Variants in SYT2 observed in about 807,000 individuals in gnomAD.
The protein encoded by SYT2 is synaptotagmin 2, also known as synaptotagmin-2.
SYT2 carries 15 observed loss-of-function variants against 39.9 expected under a neutral mutation model. The observed-to-expected ratio is 0.38, with a 90% CI of 0.25 to 0.58. The LOEUF (loss-of-function observed/expected upper bound fraction) is 0.58, where lower values mean the gene tolerates loss of function less well. Ranked by LOEUF, SYT2 falls within the 20% of genes least tolerant of loss-of-function variation. The pLI, the probability that SYT2 is intolerant of heterozygous loss-of-function variation, is 0.70. For missense variants in SYT2, 389 were observed against 530.3 expected (o/e 0.73, Z 2.62); for synonymous variants, 181 against 204.5 (o/e 0.89, Z 0.98).
At chr1:202,626,034 CATT>C (rs893944079) in intron 1 of SYT2, among the ~76,000 whole-genome samples, 17 of 152,174 alleles carry the variant, frequency 1.1e-4, no homozygotes, top group African/African-American at 3.9e-4. Context: ...CATATGCAAA[CATT>C]GTGTGCAGGT....
At chr1:202,605,525 A>C in intron 2 of SYT2, 70 bp downstream of exon 2, 489 of 1,333,838 alleles carry the variant, frequency 3.7e-4, no homozygotes, top group Non-Finnish European at 4.8e-4. Context: ...TCCCAGTGGT[A>C]TCCCCACCCT....
At chr1:202,641,304 T>C (rs1208872288) in intron 1 of SYT2, among the ~76,000 whole-genome samples, 3 of 152,118 alleles carry the variant, frequency 2.0e-5, no homozygotes, top group Non-Finnish European at 4.4e-5. Context: ...GACCACCTGC[T>C]CCCATCACCC....
In SYT2 at chr1:202,628,653, G is replaced by A. The variant is rs1691486235; in HGVS notation, c.-17-22864C>T. Among the ~76,000 whole-genome samples the A allele has an allele frequency of 6.6e-6, 1 of 152,204 alleles. No homozygotes were observed. The highest frequency in any genetic ancestry group is 2.1e-4 in the South Asian group (1 of 4,834). ...GGGCCGGGACAGACATGGGAGATAGGGGCCAGGAGGGATGAACCATGGCCT... is the reference window on the plus strand; with the variant it reads ...GGGCCGGGACAGACATGGGAGATAGAGGCCAGGAGGGATGAACCATGGCCT... On this transcript the variant is annotated intron_variant, in intron 1 of 8. Coordinates refer to ENST00000367268, the MANE Select transcript of SYT2 (RefSeq NM_177402.5). This position sits in a 1 kb window ranked among gnomAD's most constrained non-coding sequence, Gnocchi z 4.2.
At chr1:202,688,352 G>C (rs537019338) in intron 1 of SYT2, among the ~76,000 whole-genome samples, 2 of 152,316 alleles carry the variant, frequency 1.3e-5, no homozygotes, top group East Asian at 1.9e-4. Flanking sequence ...TGGCCCTGTC[G>C]TTATGCTCTG....
chr1:202,658,627 C>G (rs539337648), intron 1 of SYT2, among the ~76,000 whole-genome samples: 3 of 151,652 alleles, frequency 2.0e-5, no homozygotes, highest in Non-Finnish European at 2.9e-5. Context: ...GAGCAGCCTG[C>G]ACCAATCTCA....
chr1:202,708,374 C>T (rs1010392824), intron 1 of SYT2, among the ~76,000 whole-genome samples: 2 of 151,990 alleles, frequency 1.3e-5, no homozygotes, highest in Non-Finnish European at 2.9e-5. Flanking sequence ...TAGAAACTTT[C>T]CTCTGCCTCC....
At chr1:202,684,276 G>C (rs1488561580) in intron 1 of SYT2, among the ~76,000 whole-genome samples, 2 of 151,746 alleles carry the variant, frequency 1.3e-5, no homozygotes, top group African/African-American at 4.8e-5. Flanking sequence ...ATGACTGCAA[G>C]TTGTACCTTT....
intron 1 of SYT2, among the ~76,000 whole-genome samples, chr1:202,663,183 C>T (rs138815851): frequency 6.7e-4 from 102 of 152,342 alleles, no homozygotes; most frequent in Admixed American, 8.5e-4. Flanking sequence ...TCAAGCCAGC[C>T]ACCCTTTGCC....
At chr1:202,661,285 G>A (rs1692374264) in intron 1 of SYT2, among the ~76,000 whole-genome samples, 1 of 151,906 alleles carries the variant, frequency 6.6e-6, no homozygotes, top group Non-Finnish European at 1.5e-5. Context: ...CTAGAGGGCA[G>A]GGTCCAGCCA....
intron 1 of SYT2, among the ~76,000 whole-genome samples, chr1:202,637,330 C>A (rs1335160371): frequency 2.0e-5 from 3 of 152,072 alleles, no homozygotes; most frequent in Non-Finnish European, 4.4e-5. Context: ...CCAGCCTGGG[C>A]GACAGAGTGA....
intron 1 of SYT2, chr1:202,632,648 A>C (rs1691626426): frequency 1.1e-6 from 1 of 933,290 alleles, no homozygotes; most frequent in East Asian, 1.2e-4. Context: ...AAGAGAAGAC[A>C]CAGAGACACA....
chr1:202,694,080 G>C (rs1375228918), intron 1 of SYT2, among the ~76,000 whole-genome samples: 1 of 152,160 alleles, frequency 6.6e-6, no homozygotes, highest in Non-Finnish European at 1.5e-5. Flanking sequence ...TGAGGGATCT[G>C]ACCCCATTAC....
At chr1:202,665,771 A>C (rs1240570351) in intron 1 of SYT2, among the ~76,000 whole-genome samples, 1 of 152,178 alleles carries the variant, frequency 6.6e-6, no homozygotes, top group African/African-American at 2.4e-5. Flanking sequence ...GTCATCAGTG[A>C]AATGTTTACA....
rs1691260963 is a variant in SYT2 at position 202,623,574 on chromosome 1, G to T, written c.-17-17785C>A. Among the ~76,000 whole-genome samples the T allele has an allele frequency of 6.6e-6, 1 of 152,242 alleles. No individual in the cohort carries two copies. The highest frequency in any genetic ancestry group is 2.4e-5 in the African/African-American group (1 of 41,458). ...CAGGCCGGGAAGGGTGGGCGACCCG[G>T]AATGAGTGATTGAGTGGGGACAGAT... is the stretch of plus-strand genomic sequence containing the variant. On this transcript the variant is annotated intron_variant, in intron 1 of 8. Coordinates refer to ENST00000367268, the MANE Select transcript of SYT2 (RefSeq NM_177402.5). This position sits in a 1 kb window ranked among gnomAD's most constrained non-coding sequence, Gnocchi z 4.2.
intron 1 of SYT2, among the ~76,000 whole-genome samples, chr1:202,688,452 CT>C (rs1443603330): frequency 6.6e-6 from 1 of 152,228 alleles, no homozygotes; most frequent in African/African-American, 2.4e-5. Flanking sequence ...CCTGTTCCCC[CT>C]GCAAGGATAC....
intron 1 of SYT2, among the ~76,000 whole-genome samples, chr1:202,678,935 T>C (rs950032141): frequency 6.6e-6 from 1 of 152,162 alleles, no homozygotes; most frequent in Non-Finnish European, 1.5e-5. Context: ...CCCTACATTC[T>C]GAACCCTTCT....
intron 1 of SYT2, among the ~76,000 whole-genome samples, chr1:202,664,945 C>A (rs1372335413): frequency 1.3e-5 from 2 of 152,336 alleles, no homozygotes; most frequent in African/African-American, 4.8e-5. Flanking sequence ...AGGCGTGAGC[C>A]ACTGCACCCG....
chr1:202,706,642 GA>G (rs1181927799), intron 1 of SYT2, among the ~76,000 whole-genome samples: 2 of 152,088 alleles, frequency 1.3e-5, no homozygotes, highest in African/African-American at 4.8e-5. Flanking sequence ...CTGCCACTTA[GA>G]AAAAAATCTC....
At position 202,602,166 on chromosome 1, in the gene SYT2, G is replaced by C. The variant is rs1308363445; in HGVS notation, c.634-109C>G. 3 of 1,139,888 alleles carry C rather than the reference G, an allele frequency of 2.6e-6. No individual in the cohort carries two copies. The East Asian group carries it at 1.3e-4, about 50-fold the overall frequency. The allele number at this position is 1,139,888 out of a possible 1,614,324, so 70.6% of individuals were successfully genotyped here. A position where few individuals can be genotyped will look rare whatever the true frequency, so the allele number is the denominator to read the frequency against. ...CCCACAGGGTCCAGGTTAGTGTGCCGAGACAGACAAAGACCAAGGCTTTTG... is the reference window on the plus strand; with the variant it reads ...CCCACAGGGTCCAGGTTAGTGTGCCCAGACAGACAAAGACCAAGGCTTTTG... On this transcript the variant is annotated intron_variant, in intron 5 of 8. Transcript: ENST00000367268.
Sources: gnomAD v4.1 joint callset for allele counts (sites outside exome capture counted in the v4.1 genomes callset) on GRCh38, gnomAD v4.1.1 for gene constraint, Gnocchi (gnomAD v3.1) non-coding constraint, MANE v1.5 for transcripts, NCBI Gene and HGNC (gene_info 2026-07-23, HGNC 2026-07-21) for gene names.